Variants in FSAF1 observed in about 807,000 individuals in gnomAD.
FSAF1 encodes the protein 40S small subunit processome assembly factor 1, also known as uncharacterized protein C1orf131.
chr1:231,233,995 T>C, the FSAF1 span, among the ~76,000 whole-genome samples: 1 of 152,192 alleles, frequency 6.6e-6, no homozygotes, highest in South Asian at 2.1e-4. Context: ...GAGGTTAATG[T>C]TTAACTACAG....
chr1:231,235,443 G>C, the FSAF1 span, among the ~76,000 whole-genome samples: 2 of 151,898 alleles, frequency 1.3e-5, no homozygotes, highest in South Asian at 4.2e-4. Context: ...GTTGTAGTGA[G>C]CTGAGATCAG....
At chr1:231,240,899 C>T in the FSAF1 span, 40 of 833,866 alleles carry the variant, frequency 4.8e-5, no homozygotes, top group South Asian at 1.5e-4. The surrounding 1 kb of genome is among the most constrained non-coding windows in gnomAD (Gnocchi z 4.1). Context: ...CCAGGTGGGA[C>T]GAAGGGTGCT....
chr1:231,225,316 C>T, the FSAF1 span: 1 of 663,616 alleles, frequency 1.5e-6, no homozygotes, highest in Non-Finnish European at 2.7e-6. Context: ...TGATCTTGGG[C>T]AGTTTACTAA....
the FSAF1 span, chr1:231,226,947 G>C: frequency 6.2e-7 from 1 of 1,613,070 alleles, no homozygotes; most frequent in South Asian, 1.1e-5. Flanking sequence ...GTTGTCTAGT[G>C]ATGAAAGGTA....
chr1:231,234,687 T>A, the FSAF1 span, among the ~76,000 whole-genome samples: 1 of 152,222 alleles, frequency 6.6e-6, no homozygotes, highest in Non-Finnish European at 1.5e-5. This position sits in a 1 kb window ranked among gnomAD's most constrained non-coding sequence, Gnocchi z 4.0. Context: ...TACTTAAGAC[T>A]AAAGTCCCAA....
the FSAF1 span, chr1:231,239,079 A>G: frequency 6.2e-7 from 1 of 1,614,190 alleles, no homozygotes; most frequent in East Asian, 2.2e-5. Context: ...TGAGAGAACC[A>G]GGTAGGGGAG....
the FSAF1 span, chr1:231,229,219 A>G: frequency 6.4e-7 from 1 of 1,552,376 alleles, no homozygotes; most frequent in Non-Finnish European, 8.8e-7. Context: ...GCTGAGAGAA[A>G]AAATTCTTAT....
At chr1:231,225,347 A>C in the FSAF1 span, 26 of 864,744 alleles carry the variant, frequency 3.0e-5, 2 homozygotes, top group South Asian at 4.0e-4. Flanking sequence ...GACAAGGATA[A>C]ATGAGAGACA....
At chr1:231,238,754 C>A in the FSAF1 span, 1 of 1,178,434 alleles carries the variant, frequency 8.5e-7, no homozygotes, top group South Asian at 1.5e-5. Context: ...ATCTGCAGGC[C>A]TGAGGATAGT....
At chr1:231,225,735 T>C in the FSAF1 span, 25 of 557,782 alleles carry the variant, frequency 4.5e-5, no homozygotes, top group Middle Eastern at 4.8e-4. Context: ...ATGCCTATAG[T>C]CCTAGCACTC....
chr1:231,225,998 C>CAAAAAAAAAAA, the FSAF1 span: 1 of 28,366 alleles, frequency 3.5e-5, no homozygotes, highest in African/African-American at 1.5e-4. Flanking sequence ...ACGTAAAATG[C>CAAAAAAAAAAA]AAAAAAAAAA....
At chr1:231,240,387 A>G in the FSAF1 span, among the ~76,000 whole-genome samples, 1 of 152,124 alleles carries the variant, frequency 6.6e-6, no homozygotes, top group Non-Finnish European at 1.5e-5. This position sits in a 1 kb window ranked among gnomAD's most constrained non-coding sequence, Gnocchi z 4.1. Context: ...GTGCATGTGC[A>G]AAGGGTGTCA....
chr1:231,226,936 T>C, the FSAF1 span: 6 of 1,611,596 alleles, frequency 3.7e-6, no homozygotes, highest in African/African-American at 1.3e-5. Flanking sequence ...TTTTTTTGCA[T>C]GTTGTCTAGT....
chr1:231,224,414 C>T, the FSAF1 span: 1 of 1,602,162 alleles, frequency 6.2e-7, no homozygotes, highest in Non-Finnish European at 8.5e-7. Flanking sequence ...TTTTGGATTT[C>T]CTACATTTAA....
the FSAF1 span, among the ~76,000 whole-genome samples, chr1:231,232,826 G>C: frequency 6.6e-6 from 1 of 152,204 alleles, no homozygotes; most frequent in Non-Finnish European, 1.5e-5. Context: ...ACGCGGCTTA[G>C]ATTTTCTTTC....
the FSAF1 span, chr1:231,241,104 T>C: frequency 6.2e-7 from 1 of 1,613,790 alleles, no homozygotes; most frequent in African/African-American, 1.3e-5. Context: ...CCCTTGCTCC[T>C]GCGACATTGT....
chr1:231,225,717 G>C, the FSAF1 span: 3 of 602,356 alleles, frequency 5.0e-6, no homozygotes, highest in Non-Finnish European at 8.8e-6. Flanking sequence ...GGCCTGGCGT[G>C]GTGGCTCATG....
chr1:231,224,674 C>A, the FSAF1 span: 1 of 434,690 alleles, frequency 2.3e-6, no homozygotes, highest in South Asian at 5.0e-5. Flanking sequence ...GTTCAGTTCT[C>A]AGCTCCGATG....
chr1:231,231,393 A>G, the FSAF1 span, among the ~76,000 whole-genome samples: 2 of 152,178 alleles, frequency 1.3e-5, no homozygotes, highest in Non-Finnish European at 2.9e-5. Context: ...CCAGATCTCC[A>G]AGATCCCCTA....
Sources: gnomAD v4.1 joint callset for allele counts (sites outside exome capture counted in the v4.1 genomes callset) on GRCh38, gnomAD v4.1.1 for gene constraint, Gnocchi (gnomAD v3.1) non-coding constraint, MANE v1.5 for transcripts, NCBI Gene and HGNC (gene_info 2026-07-23, HGNC 2026-07-21) for gene names.